The following ZNF705G variants were observed in gnomAD, a reference collection of about 807,000 sequenced individuals.
ZNF705G encodes zinc finger protein 705G.
Under a neutral mutation model 19.6 loss-of-function variants are expected in ZNF705G, and 23 were observed. The observed-to-expected ratio is 1.17, with a 90% CI of 0.84 to 1.66. The LOEUF (loss-of-function observed/expected upper bound fraction) is 1.66, where lower values mean the gene tolerates loss of function less well. Ranked by LOEUF, ZNF705G falls within the 40% of genes most tolerant of loss-of-function variation. The pLI, the probability that ZNF705G is intolerant of heterozygous loss-of-function variation, is 0.00. For missense variants in ZNF705G, 457 were observed against 354.4 expected, an observed-to-expected ratio of 1.29 and a Z score of -2.32; for synonymous variants, 146 against 117.7, an observed-to-expected ratio of 1.24 and a Z score of -1.56.
chr8:7,371,277 G>A (rs1317173076), intron 2 of ZNF705G, among the ~76,000 whole-genome samples: 1 of 113,976 alleles, frequency 8.8e-6, no homozygotes, highest in East Asian at 2.9e-4. Context: ...ACTCACAAAA[G>A]CAGAGAGTAG....
At position 7,380,848 on chromosome 8, in the gene ZNF705G, C is replaced by T. The variant is rs1346594691; in HGVS notation, c.-72+604G>A. 3.5e-5 allele frequency among the ~76,000 whole-genome samples: 5 copies of T among 143,400 alleles called. No individual in the cohort carries two copies. The East Asian group carries it at 9.8e-4, about 28-fold the overall frequency. 94.1% of individuals were successfully genotyped at this position (143,400 alleles called of 152,430 possible). On this transcript the variant is annotated intron_variant, in intron 2 of 6. Coordinates refer to ENST00000400156, the MANE Select transcript of ZNF705G (RefSeq NM_001164457.3). ...CAGCCTGACCAACATGGAGAAACTC[C>T]ATCTCTACTAAAGACAAAATTAGCT...
At chr8:7,369,233 G>A (rs71511227) in intron 2 of ZNF705G, among the ~76,000 whole-genome samples, 9,689 of 148,782 alleles carry the variant, frequency 0.065, 1,000 homozygotes, top group African/African-American at 0.15. Context: ...AGATTTGGGT[G>A]GGGACACAGA....
intron 2 of ZNF705G, among the ~76,000 whole-genome samples, chr8:7,371,127 C>T (rs1394704765): frequency 1.4e-5 from 2 of 142,248 alleles, no homozygotes; most frequent in Non-Finnish European, 3.0e-5. Flanking sequence ...GAATATTGTT[C>T]AGTGTTACAT....
chr8:7,361,266 CA>C, intron 3 of ZNF705G, 30 bp from the exon 4 acceptor site: 1 of 1,592,476 alleles, frequency 6.3e-7, no homozygotes, highest in East Asian at 2.2e-5. Context: ...TTAGTTTAGA[CA>C]GAGAAATTCC....
In ZNF705G at chr8:7,358,314, G is replaced by T; in HGVS notation, c.565C>A (p.Arg189=). 3.1e-6 allele frequency: 5 copies of T among 1,607,526 alleles called. No individual in the cohort carries two copies. The highest frequency in any genetic ancestry group is 3.4e-6 in the Non-Finnish European group (4 of 1,179,606). Residue 189 remains arginine, a synonymous_variant, in exon 7 of 7, where the codon CGG becomes AGG. Coordinates refer to ENST00000400156, the MANE Select transcript of ZNF705G (RefSeq NM_001164457.3). ...KAYTNCFHLR[R]HKMTHTGERP... ...TCTCCAGTGTGAGTCATCTTGTGCC[G>T]TCTAAGGTGAAAGCAATTAGTATAG... is the stretch of plus-strand genomic sequence containing the variant.
At chr8:7,368,291 T>C (rs1322580976) in intron 2 of ZNF705G, among the ~76,000 whole-genome samples, 3 of 149,464 alleles carry the variant, frequency 2.0e-5, no homozygotes, top group Non-Finnish European at 2.9e-5. Context: ...AGGAAAAATA[T>C]GAACATTAAT....
At position 7,358,229 on chromosome 8, in the gene ZNF705G, C is replaced by T; in HGVS notation, c.650G>A (p.Arg217Lys). ...KAFTQCSHLR[R>K]HEKTHTGQRP... ...CTGTCCCGTGTGAGTTTTCTCGTGT[C>T]TTCTAAGGTGAGAACACTGAGTGAA... Residue 217 changes from arginine to lysine, a missense_variant, in exon 7 of 7, where the codon AGA becomes AAA. Transcript: ENST00000400156. The T allele has an allele frequency of 6.2e-7, 1 of 1,607,628 alleles. No homozygotes were observed. Among genetic ancestry groups the T allele is most frequent in the Non-Finnish European group, 8.5e-7 (1 of 1,179,618 alleles).
Position 7,362,985 on chromosome 8 carries a change from T to C in ZNF705G, c.-39A>G. On this transcript the variant is annotated 5_prime_UTR_variant, in exon 3 of 7. Coordinates refer to ENST00000400156, the MANE Select transcript of ZNF705G (RefSeq NM_001164457.3). ...GTTTCTCTCTGTCTTCCTCTGGATT[T>C]CCACTTGCAGACACTTTAGGCACTA... 6.3e-7 allele frequency: 1 copy of C among 1,589,516 alleles called. No homozygotes were observed. Among genetic ancestry groups the C allele is most frequent in the East Asian group, 2.2e-5 (1 of 44,838 alleles).
intron 5 of ZNF705G, among the ~76,000 whole-genome samples, 157 bp downstream of exon 5, chr8:7,360,080 C>T (rs1165926195): frequency 6.7e-6 from 1 of 149,378 alleles, no homozygotes; most frequent in South Asian, 2.1e-4. Context: ...GACACATGAA[C>T]AAAATGATAA....
intron 1 of ZNF705G, among the ~76,000 whole-genome samples, chr8:7,384,021 A>C (rs1807621816): frequency 7.2e-6 from 1 of 137,986 alleles, no homozygotes; most frequent in Non-Finnish European, 1.5e-5. Flanking sequence ...GTATGTGTTG[A>C]GAAGCCAAAA....
chr8:7,356,996 T>C lies in ZNF705G; in HGVS notation c.*980A>G, dbSNP rs1330778359. On this transcript the variant is annotated 3_prime_UTR_variant, in exon 7 of 7. Coordinates refer to ENST00000400156, the MANE Select transcript of ZNF705G (RefSeq NM_001164457.3). ...TTGCTAAAGTATGTGTTAAGAGTTT[T>C]TTCTAGGGGTCCAACTTCTTGACTC... The C allele has an allele frequency of 6.7e-6, 1 of 149,884 alleles. No homozygotes were observed. Among genetic ancestry groups the C allele is most frequent in the Admixed American group, 6.6e-5 (1 of 15,230 alleles). 9.3% of individuals were successfully genotyped at this position (149,884 alleles called of 1,614,324 possible).
Position 7,357,697 on chromosome 8 carries a change from G to T in ZNF705G, c.*279C>A. ...TATTGATGTGGACTGAAGAATAAAG[G>T]TAACTGAAGTATCTTCCATGTTGAT... On this transcript the variant is annotated 3_prime_UTR_variant, in exon 7 of 7. Transcript: ENST00000400156. The T allele has an allele frequency of 1.7e-6, 1 of 573,096 alleles. No individual in the cohort carries two copies. The highest frequency in any genetic ancestry group is 2.3e-5 in the South Asian group (1 of 44,408). 35.5% of individuals were successfully genotyped at this position (573,096 alleles called of 1,614,324 possible). A position where few individuals can be genotyped will look rare whatever the true frequency, so the allele number is the denominator to read the frequency against.
rs1159034581 is a variant in ZNF705G, at chr8:7,356,438, T to G, written c.*1538A>C. ...AGAAGAGAAGAGCTGCCTTATTCTC[T>G]GATCCCAGTTAACTGCCTAGAGACA... On this transcript the variant is annotated 3_prime_UTR_variant, in exon 7 of 7. Coordinates refer to ENST00000400156, the MANE Select transcript of ZNF705G (RefSeq NM_001164457.3). 6.7e-6 allele frequency: 1 copy of G among 149,822 alleles called. No homozygotes were observed. The highest frequency in any genetic ancestry group is 2.6e-5 in the African/African-American group (1 of 39,018). The allele number at this position is 149,822 out of a possible 1,614,324, so 9.3% of individuals were successfully genotyped here. A position where few individuals can be genotyped will look rare whatever the true frequency, so the allele number is the denominator to read the frequency against.
At position 7,357,455 on chromosome 8, in the gene ZNF705G, G is replaced by C. The variant is rs1236076383; in HGVS notation, c.*521C>G. On this transcript the variant is annotated 3_prime_UTR_variant, in exon 7 of 7. Coordinates refer to ENST00000400156, the MANE Select transcript of ZNF705G (RefSeq NM_001164457.3). Reference sequence around the variant, plus strand: ...GTTCATCCAAGTAAAGTTTTCTCATGTTATTTGACAATAAATTGCAAATAA... The same window carrying C: ...GTTCATCCAAGTAAAGTTTTCTCATCTTATTTGACAATAAATTGCAAATAA... 1.8e-5 allele frequency: 3 copies of C among 168,758 alleles called. No homozygotes were observed. The highest frequency in any genetic ancestry group is 7.6e-5 in the African/African-American group (3 of 39,290). 10.5% of individuals were successfully genotyped at this position (168,758 alleles called of 1,614,324 possible). A position where few individuals can be genotyped will look rare whatever the true frequency, so the allele number is the denominator to read the frequency against.
At chr8:7,370,414 T>C (rs990047408) in intron 2 of ZNF705G, among the ~76,000 whole-genome samples, 1 of 149,736 alleles carries the variant, frequency 6.7e-6, no homozygotes, top group Non-Finnish European at 1.5e-5. Flanking sequence ...TATCACCTGA[T>C]AGAATAGCTA....
Position 7,358,470 on chromosome 8 carries a change from T to C in ZNF705G, c.409A>G (p.Thr137Ala), listed in dbSNP as rs1332615686. The C allele has an allele frequency of 6.2e-7, 1 of 1,607,570 alleles. No individual in the cohort carries two copies. The highest frequency in any genetic ancestry group is 8.5e-7 in the Non-Finnish European group (1 of 1,179,616). ...RSSTITQCLL[T>A]HSGKKPYVSK... is the part of the protein sequence containing the mutation. The stretch of plus-strand genomic sequence containing the variant: ...ACATAGGGTTTCTTTCCACTATGAG[T>C]TAACAAACACTGAGTTATTGTGGAA... Residue 137 changes from threonine to alanine, a missense_variant, in exon 7 of 7, where the codon ACT (threonine) becomes GCT (alanine). Physicochemically the swap from Thr to Ala is moderately conservative, Grantham distance 58. Coordinates refer to ENST00000400156, the MANE Select transcript of ZNF705G (RefSeq NM_001164457.3).
At chr8:7,367,136 A>G (rs2128840257) in intron 2 of ZNF705G, among the ~76,000 whole-genome samples, 1 of 149,648 alleles carries the variant, frequency 6.7e-6, no homozygotes, top group African/African-American at 2.6e-5. Context: ...GTGAAGTAAC[A>G]ATTCACACAA....
Position 7,385,097 on chromosome 8 carries a change from G to A in ZNF705G, c.-222+401C>T, listed in dbSNP as rs539753426. 2.7e-5 allele frequency among the ~76,000 whole-genome samples: 4 copies of A among 147,772 alleles called. No homozygotes were observed. In the South Asian group the frequency reaches 8.4e-4, roughly 31 times the overall value. On this transcript the variant is annotated intron_variant, in intron 1 of 6. Transcript: ENST00000400156. ...TGTGTGTTTGACAGCAATAGAGCTTGAGGTTCAGAGAATGAACAGGGTCGT... is the reference window on the plus strand; with the variant it reads ...TGTGTGTTTGACAGCAATAGAGCTTAAGGTTCAGAGAATGAACAGGGTCGT...
chr8:7,360,861 T>C (rs1256322340), intron 4 of ZNF705G, among the ~76,000 whole-genome samples: 1 of 149,474 alleles, frequency 6.7e-6, no homozygotes, highest in Non-Finnish European at 1.5e-5. Flanking sequence ...TATTAGAGAC[T>C]GAGTACCAAA....
Sources: allele counts gnomAD v4.1 joint callset (sites outside exome capture counted in the v4.1 genomes callset), GRCh38; gene constraint gnomAD v4.1.1; transcripts MANE v1.5; gene names NCBI Gene and HGNC (gene_info 2026-07-23, HGNC 2026-07-21).